PCDH15: variants seen among roughly 807,000 people sequenced by gnomAD.
The protein encoded by PCDH15 is protocadherin related 15.
In PCDH15, 129 loss-of-function variants were observed where a neutral mutation model predicts 178.5. The ratio of observed to expected loss-of-function variants is 0.72; its 90% CI spans 0.63 to 0.84. The LOEUF (loss-of-function observed/expected upper bound fraction) is 0.84. Ranked by LOEUF, PCDH15 falls within the 40% of genes least tolerant of loss-of-function variation. The pLI, the probability that PCDH15 is intolerant of heterozygous loss-of-function variation, is 0.00. For missense variants in PCDH15, 2,230 were observed against 2,099.9 expected, an observed-to-expected ratio of 1.06 and a Z score of -1.21; for synonymous variants, 800 against 732.0, an observed-to-expected ratio of 1.09 and a Z score of -1.50.
At chr10:55,362,787 C>T (rs1006318605) in intron 2 of PCDH15, among the ~76,000 whole-genome samples, 2 of 152,102 alleles carry the variant, frequency 1.3e-5, no homozygotes, top group African/African-American at 2.4e-5. Context: ...TAGCTACTTC[C>T]TTGCTCCCCT....
chr10:54,292,700 G>A (rs1314576460), intron 8 of PCDH15, among the ~76,000 whole-genome samples: 3 of 152,094 alleles, frequency 2.0e-5, no homozygotes, highest in Non-Finnish European at 4.4e-5. Flanking sequence ...CAAATCATGA[G>A]TGAACTCCCA....
intron 2 of PCDH15, among the ~76,000 whole-genome samples, chr10:55,063,719 C>A (rs1370430699): frequency 6.6e-6 from 1 of 152,092 alleles, no homozygotes; most frequent in East Asian, 1.9e-4. Context: ...GTATTCAAAT[C>A]AACCTGTTTA....
chr10:55,580,352 AT>A (rs1282426702), intron 2 of PCDH15, among the ~76,000 whole-genome samples: 2 of 134,232 alleles, frequency 1.5e-5, no homozygotes, highest in East Asian at 6.1e-4. Flanking sequence ...CATTTTTTTT[AT>A]TTTTTTATTT....
chr10:54,011,236 G>C (rs1035323274), intron 20 of PCDH15, among the ~76,000 whole-genome samples: 28 of 152,164 alleles, frequency 1.8e-4, no homozygotes, highest in African/African-American at 6.5e-4. Flanking sequence ...GCTGCCCTCA[G>C]ACTGTGGAGG....
At chr10:54,718,841 C>G (rs530271603) in intron 1 of PCDH15, among the ~76,000 whole-genome samples, 2 of 151,852 alleles carry the variant, frequency 1.3e-5, no homozygotes, top group South Asian at 2.1e-4. Context: ...GCACTACAGG[C>G]ATGCACCACC....
chr10:53,980,085 G>A (rs565976671), intron 21 of PCDH15, among the ~76,000 whole-genome samples: 6 of 149,072 alleles, frequency 4.0e-5, no homozygotes, highest in Admixed American at 1.3e-4. Context: ...GTCTGGCATC[G>A]TGGCGGGCAC....
chr10:54,517,552 T>G (rs1048476471), intron 3 of PCDH15, among the ~76,000 whole-genome samples: 1 of 151,892 alleles, frequency 6.6e-6, no homozygotes, highest in African/African-American at 2.4e-5. Flanking sequence ...AGCACCCAGA[T>G]TCATAAAGCA....
intron 5 of PCDH15, among the ~76,000 whole-genome samples, chr10:54,366,583 A>G (rs1468503549): frequency 6.6e-6 from 1 of 152,104 alleles, no homozygotes; most frequent in Non-Finnish European, 1.5e-5. Context: ...AAACCAATAG[A>G]TAATTCATAA....
At chr10:55,515,856 C>T (rs771183699) in intron 2 of PCDH15, among the ~76,000 whole-genome samples, 3 of 152,148 alleles carry the variant, frequency 2.0e-5, no homozygotes, top group Admixed American at 6.5e-5. Context: ...CTCTGTAAGG[C>T]TTCTGTGCAT....
intron 26 of PCDH15, among the ~76,000 whole-genome samples, chr10:53,876,528 A>G (rs2080260045): frequency 1.3e-5 from 2 of 152,118 alleles, no homozygotes; most frequent in Non-Finnish European, 2.9e-5. Context: ...CTTTATTTTA[A>G]AGTCCTTAAA....
At chr10:55,484,821 G>A (rs1840263066) in intron 2 of PCDH15, among the ~76,000 whole-genome samples, 1 of 151,672 alleles carries the variant, frequency 6.6e-6, no homozygotes, top group South Asian at 2.1e-4. Flanking sequence ...CTTGGAAAAT[G>A]TGATGGCCAC....
chr10:54,161,406 G>C (rs72797075), intron 13 of PCDH15, among the ~76,000 whole-genome samples: 32,863 of 152,036 alleles, frequency 0.22, 3,898 homozygotes, highest in Non-Finnish European at 0.25. Flanking sequence ...ATGGGAGTGA[G>C]CATTGACTAC....
Position 54,615,202 on chromosome 10 carries a change from C to T in PCDH15, c.91+48970G>A, listed in dbSNP as rs189102608. Among the ~76,000 whole-genome samples the T allele has an allele frequency of 9.2e-5, 14 of 152,006 alleles. 1 individual carries two copies. The highest frequency in any genetic ancestry group is 3.3e-4 in the Admixed American group (5 of 15,218). ...AACACGCATTAAATAAGTGGTAAAG[C>T]GATACAAATTGAGTTTATACAGTAG... On this transcript the variant is annotated intron_variant, in intron 2 of 37. Transcript: ENST00000644397.
intron 2 of PCDH15, among the ~76,000 whole-genome samples, chr10:54,593,909 A>T (rs868425550): frequency 3.3e-5 from 5 of 151,858 alleles, no homozygotes; most frequent in African/African-American, 1.2e-4. Context: ...CAGGAGAAAC[A>T]TCTCCCACAG....
chr10:54,204,432 G>A (rs2050571309), intron 10 of PCDH15, among the ~76,000 whole-genome samples: 2 of 151,980 alleles, frequency 1.3e-5, no homozygotes, highest in Non-Finnish European at 1.5e-5. Flanking sequence ...GTGGAGGTAA[G>A]GTGATTAGTG....
intron 18 of PCDH15, among the ~76,000 whole-genome samples, chr10:54,044,286 G>A (rs915039729): frequency 6.6e-6 from 1 of 152,072 alleles, no homozygotes; most frequent in African/African-American, 2.4e-5. Flanking sequence ...ACAAGGTGTA[G>A]GTAGTGAAAG....
intron 1 of PCDH15, among the ~76,000 whole-genome samples, chr10:54,720,892 A>G (rs1405108510): frequency 2.0e-5 from 3 of 152,066 alleles, no homozygotes; most frequent in Non-Finnish European, 4.4e-5. Flanking sequence ...CCAAGTAGAC[A>G]TAATAGGTAT....
At chr10:55,620,851 A>G (rs1334784604) in intron 2 of PCDH15, among the ~76,000 whole-genome samples, 3 of 151,546 alleles carry the variant, frequency 2.0e-5, no homozygotes, top group Non-Finnish European at 3.0e-5. Flanking sequence ...ATACAACTCA[A>G]ATGATATCAG....
chr10:55,251,731 A>C, intron 1 of PCDH15, among the ~76,000 whole-genome samples: 1 of 152,158 alleles, frequency 6.6e-6, no homozygotes, highest in East Asian at 1.9e-4. Context: ...TTTAACTCTG[A>C]TTAATTTTTT....
Sources: allele counts gnomAD v4.1 joint callset (sites outside exome capture counted in the v4.1 genomes callset), GRCh38; gene constraint gnomAD v4.1.1; transcripts MANE v1.5; gene names NCBI Gene and HGNC (gene_info 2026-07-23, HGNC 2026-07-21).